ZBTB20: variants seen among roughly 807,000 people sequenced by gnomAD.
The protein encoded by ZBTB20 is zinc finger and BTB domain containing 20.
Under a neutral mutation model 56.9 loss-of-function variants are expected in ZBTB20, and 9 were observed. The ratio of observed to expected loss-of-function variants is 0.16; its 90% CI spans 0.10 to 0.28. The LOEUF is 0.28. Among genes scored for constraint, ZBTB20 ranks in the 10% least tolerant of loss-of-function variants. ZBTB20 has a pLI of 1.00. For synonymous variants in ZBTB20, 417 were observed against 420.7 expected, an observed-to-expected ratio of 0.99 and a Z score of 0.11; for missense variants, 655 against 1,003.0, an observed-to-expected ratio of 0.65 and a Z score of 4.69.
rs1215893721 is a variant in ZBTB20, at chr3:114,547,309, T to C, written c.-294-46918A>G. ...GCTTAAAAAAATTGTTTTGTGAAGATAGTTTGAAGGAAGGGTGGCCTATTC... is the reference window on the plus strand; with the variant it reads ...GCTTAAAAAAATTGTTTTGTGAAGACAGTTTGAAGGAAGGGTGGCCTATTC... On this transcript the variant is annotated intron_variant, in intron 6 of 11. Coordinates refer to ENST00000675478, the MANE Select transcript of ZBTB20 (RefSeq NM_001348800.3). 3.9e-5 allele frequency among the ~76,000 whole-genome samples: 6 copies of C among 152,092 alleles called. No individual in the cohort carries two copies. The South Asian group carries it at 6.2e-4, about 16-fold the overall frequency.
intron 6 of ZBTB20, among the ~76,000 whole-genome samples, chr3:114,603,365 T>G (rs2056905953): frequency 6.6e-6 from 1 of 152,036 alleles, no homozygotes; most frequent in Non-Finnish European, 1.5e-5. Context: ...TTCTTTTTCC[T>G]CAGATCCTCT....
intron 7 of ZBTB20, among the ~76,000 whole-genome samples, chr3:114,418,144 C>T (rs1302549413): frequency 6.6e-6 from 1 of 152,016 alleles, no homozygotes; most frequent in South Asian, 2.1e-4. Context: ...AGTAAACTTC[C>T]AGGTCATTTG....
intron 1 of ZBTB20, among the ~76,000 whole-genome samples, chr3:115,082,261 A>AAC (rs1367367272): frequency 4.6e-5 from 7 of 152,182 alleles, no homozygotes; most frequent in South Asian, 4.1e-4. Flanking sequence ...TCTAAGCCAA[A>AAC]ACACACACAC....
In ZBTB20 at chr3:114,350,756, ATCTCCACTTCATTGCTTC is replaced by A. The variant is rs2080594623; in HGVS notation, c.1304_1321del (p.Arg435_Glu440del). The A allele has an allele frequency of 5.0e-6, 8 of 1,614,128 alleles. No individual in the cohort carries two copies. The highest frequency in any genetic ancestry group is 6.8e-6 in the Non-Finnish European group (8 of 1,180,010). On this transcript the variant is annotated inframe_deletion, in exon 11 of 12. Coordinates refer to ENST00000675478, the MANE Select transcript of ZBTB20 (RefSeq NM_001348800.3). ...GCTGACAGTGATAACAGTGCTGTCCATCTCCACTTCATTGCTTCTCTCCGGAGAGGAAGCACCTGTTTC... is the reference window on the plus strand; with the variant it reads ...GCTGACAGTGATAACAGTGCTGTCCATCTCCGGAGAGGAAGCACCTGTTTC...
intron 3 of ZBTB20, among the ~76,000 whole-genome samples, chr3:114,929,174 G>A (rs981971141): frequency 6.6e-6 from 1 of 152,208 alleles, no homozygotes; most frequent in African/African-American, 2.4e-5. Flanking sequence ...AAGCTATTTC[G>A]AATCACACTG....
At chr3:114,591,444 C>T (rs1458817108) in intron 6 of ZBTB20, among the ~76,000 whole-genome samples, 1 of 152,080 alleles carries the variant, frequency 6.6e-6, no homozygotes, top group Non-Finnish European at 1.5e-5. Context: ...ACCAAACCAT[C>T]ACGGATAATG....
intron 6 of ZBTB20, among the ~76,000 whole-genome samples, chr3:114,661,190 G>A (rs1039467564): frequency 2.0e-5 from 3 of 152,106 alleles, no homozygotes; most frequent in East Asian, 3.9e-4. Flanking sequence ...TCAACATTTG[G>A]TGTCTCTTGG....
At chr3:114,921,374 C>A (rs770170718) in intron 3 of ZBTB20, among the ~76,000 whole-genome samples, 1 of 152,146 alleles carries the variant, frequency 6.6e-6, no homozygotes, top group Non-Finnish European at 1.5e-5. Flanking sequence ...CTGCATGTCT[C>A]AGCCTCCCAA....
In ZBTB20 at chr3:114,940,278, A is replaced by G. The variant is rs1031973196; in HGVS notation, c.-456+34088T>C. ...CTAAAGATACCTGTCCATTAAATACAGTGCATTTCATTGCCTTTTCAGACT... is the reference window on the plus strand; with the variant it reads ...CTAAAGATACCTGTCCATTAAATACGGTGCATTTCATTGCCTTTTCAGACT... On this transcript the variant is annotated intron_variant, in intron 3 of 11. Coordinates refer to ENST00000675478, the MANE Select transcript of ZBTB20 (RefSeq NM_001348800.3). Among the ~76,000 whole-genome samples, 3 of 146,548 alleles carry G rather than the reference A, an allele frequency of 2.0e-5. 1 individual carries two copies. The highest frequency in any genetic ancestry group is 8.3e-5 in the African/African-American group (3 of 36,132).
intron 5 of ZBTB20, among the ~76,000 whole-genome samples, chr3:114,797,053 T>C (rs1276305822): frequency 6.6e-6 from 1 of 151,874 alleles, no homozygotes; most frequent in African/African-American, 2.4e-5. Flanking sequence ...TCCACCATTT[T>C]CTCATATATA....
chr3:115,043,290 G>A (rs1436408517), intron 2 of ZBTB20, among the ~76,000 whole-genome samples: 2 of 152,066 alleles, frequency 1.3e-5, no homozygotes, highest in Non-Finnish European at 2.9e-5. Context: ...CAGGCATGGT[G>A]GCTCACACCT....
intron 6 of ZBTB20, among the ~76,000 whole-genome samples, chr3:114,663,909 A>G (rs1444645236): frequency 1.3e-5 from 2 of 151,680 alleles, no homozygotes; most frequent in Non-Finnish European, 2.9e-5. Context: ...GTGACCTACA[A>G]AGAGACTTAG....
intron 5 of ZBTB20, among the ~76,000 whole-genome samples, chr3:114,787,118 G>T (rs181306021): frequency 6.4e-4 from 97 of 151,774 alleles, no homozygotes; most frequent in African/African-American, 2.2e-3. Context: ...GGAACCACAG[G>T]TGCACATCAC....
At chr3:114,691,415 A>C (rs2062690309) in intron 6 of ZBTB20, among the ~76,000 whole-genome samples, 2 of 152,170 alleles carry the variant, frequency 1.3e-5, no homozygotes, top group East Asian at 1.9e-4. Context: ...CATTATAGTA[A>C]TTTGTTTATA....
At chr3:114,344,914 G>T (rs1374642801) in intron 11 of ZBTB20, among the ~76,000 whole-genome samples, 1 of 152,058 alleles carries the variant, frequency 6.6e-6, no homozygotes, top group African/African-American at 2.4e-5. Context: ...GCTAAAAACA[G>T]TCACCAGTGA....
chr3:114,352,329 G>T (rs2080761404), intron 10 of ZBTB20, among the ~76,000 whole-genome samples: 1 of 152,212 alleles, frequency 6.6e-6, no homozygotes, highest in Non-Finnish European at 1.5e-5. Context: ...CTTTGGGAAA[G>T]TTTACATTTC....
At chr3:114,814,037 TC>T (rs1196090077) in intron 4 of ZBTB20, among the ~76,000 whole-genome samples, 1 of 151,758 alleles carries the variant, frequency 6.6e-6, no homozygotes, top group Non-Finnish European at 1.5e-5. Flanking sequence ...AATACAGTGA[TC>T]CCTATACATA....
rs557861113 is a variant in ZBTB20 at position 115,066,326 on chromosome 3, T to C, written c.-507+4893A>G. Among the ~76,000 whole-genome samples the C allele has an allele frequency of 5.3e-5, 8 of 152,056 alleles. No homozygotes were observed. The South Asian group carries it at 8.3e-4, about 16-fold the overall frequency. On this transcript the variant is annotated intron_variant, in intron 2 of 11. Transcript: ENST00000675478. ...CTCGAGAAAAACATCTTGAGAGTCATCCTAAACTTCTCTTTTTCTTTAACA... is the reference window on the plus strand; with the variant it reads ...CTCGAGAAAAACATCTTGAGAGTCACCCTAAACTTCTCTTTTTCTTTAACA...
intron 10 of ZBTB20, among the ~76,000 whole-genome samples, chr3:114,352,835 C>G (rs2080819024): frequency 6.6e-6 from 1 of 152,058 alleles, no homozygotes; most frequent in Non-Finnish European, 1.5e-5. Context: ...CAGGAGTAAG[C>G]CAGAAGTGGG....
Sources: gnomAD v4.1 joint callset for allele counts (sites outside exome capture counted in the v4.1 genomes callset) on GRCh38, gnomAD v4.1.1 for gene constraint, MANE v1.5 for transcripts, NCBI Gene and HGNC (gene_info 2026-07-23, HGNC 2026-07-21) for gene names.